Variants in L1TD1 observed in about 807,000 individuals in gnomAD.
L1TD1 encodes LINE-1 type transposase domain-containing protein 1.
L1TD1 carries 26 observed loss-of-function variants against 25.7 expected under a neutral mutation model. The ratio of observed to expected loss-of-function variants is 1.01; its 90% confidence interval spans 0.74 to 1.40. The LOEUF is 1.40. Among genes scored for constraint, L1TD1 ranks in the 40% most tolerant of loss-of-function variants. The pLI is 0.00. For synonymous variants in L1TD1, 421 were observed against 335.6 expected (o/e 1.25, Z -2.78); for missense variants, 1,130 against 975.0 (o/e 1.16, Z -2.12).
chr1:62,204,246 CTT>C (rs1670694142), intron 2 of L1TD1, among the ~76,000 whole-genome samples: 1 of 152,048 alleles, frequency 6.6e-6, no homozygotes, highest in Admixed American at 6.6e-5. Context: ...GCGCGCATCT[CTT>C]TTGGTTTCTT....
chr1:62,209,772 T>A lies in L1TD1; in HGVS notation c.1009-11T>A. On this transcript the variant is annotated splice_polypyrimidine_tract_variant and intron_variant, in intron 3 of 3. Coordinates refer to ENST00000498273, the MANE Select transcript of L1TD1 (RefSeq NM_019079.5). ...AATAACTCTTTTTTTTCTTCTTTGTTTAACTTTCAGGATAAAACCCTAATA... is the reference window on the plus strand; with the variant it reads ...AATAACTCTTTTTTTTCTTCTTTGTATAACTTTCAGGATAAAACCCTAATA... 1 of 1,472,678 alleles carries A rather than the reference T, an allele frequency of 6.8e-7. No homozygotes were observed. The highest frequency in any genetic ancestry group is 1.4e-5 in the South Asian group (1 of 72,904). The allele number at this position is 1,472,678 out of a possible 1,614,324, so 91.2% of individuals were successfully genotyped here.
chr1:62,209,926 A>G lies in L1TD1; in HGVS notation c.1152A>G (p.Leu384=), dbSNP rs559204642. The change falls in exon 4 of 4, where the codon CTA becomes CTG. Residue 384 remains leucine (L), a synonymous_variant. Coordinates refer to ENST00000498273, the MANE Select transcript of L1TD1 (RefSeq NM_019079.5). ...CTCAAGAGGAAGAGTTTTCCGAGCT[A>G]GAGGAGCTGGATGAAGAGGCCTCAG... ...LETQEEEFSE[L]EELDEEASGM... The G allele has an allele frequency of 6.2e-7, 1 of 1,613,980 alleles. No homozygotes were observed. Among genetic ancestry groups the G allele is most frequent in the Non-Finnish European group, 8.5e-7 (1 of 1,179,978 alleles).
chr1:62,197,397 T>TATATATATA (rs1670562305), intron 2 of L1TD1, among the ~76,000 whole-genome samples: 3 of 80,844 alleles, frequency 3.7e-5, no homozygotes, highest in East Asian at 8.4e-4. Context: ...AAAAAATAAA[T>TATATATATA]TATATATATA....
At chr1:62,209,708 T>C (rs1670818606) in intron 3 of L1TD1, 75 bp from the exon 4 acceptor site, 1 of 1,200,034 alleles carries the variant, frequency 8.3e-7, no homozygotes, top group East Asian at 2.5e-5. Context: ...ATTAGTGAAA[T>C]TGAAATTTTA....
chr1:62,211,419 A>C lies in L1TD1; in HGVS notation c.*47A>C. ...AATATGCTTTCCTCCCCCAGCATGC[A>C]TCCAAAAATCAACAAGTAAAACGAA... On this transcript the variant is annotated 3_prime_UTR_variant, in exon 4 of 4. Coordinates refer to ENST00000498273, the MANE Select transcript of L1TD1 (RefSeq NM_019079.5). The C allele has an allele frequency of 6.6e-7, 1 of 1,522,988 alleles. No individual in the cohort carries two copies. Among genetic ancestry groups the C allele is most frequent in the Admixed American group, 2.3e-5 (1 of 44,336 alleles). The allele number at this position is 1,522,988 out of a possible 1,614,324, so 94.3% of individuals were successfully genotyped here.
rs150081992 is a variant in L1TD1, at chr1:62,207,405, A to G, written c.777A>G (p.Gln259=). ...LSSATLDISK[Q]WSNVFNILRE... ...CAGCAACACTGGATATTAGTAAGCA[A>G]TGGAGTAATGTCTTCAACATTCTGA... Residue 259 remains glutamine (Q), a synonymous_variant, in exon 3 of 4, where the codon CAA becomes CAG. Transcript: ENST00000498273. The G allele has an allele frequency of 6.1e-5, 94 of 1,551,494 alleles. No homozygotes were observed. In the African/African-American group the frequency reaches 9.8e-4, roughly 16 times the overall value.
At chr1:62,202,539 T>C (rs1475610763) in intron 2 of L1TD1, among the ~76,000 whole-genome samples, 1 of 127,756 alleles carries the variant, frequency 7.8e-6, no homozygotes, top group African/African-American at 3.1e-5. Flanking sequence ...TTTTTTCTTT[T>C]TCTTTTCTTT....
chr1:62,195,130 G>A (rs1011711377), intron 1 of L1TD1, among the ~76,000 whole-genome samples: 1 of 151,786 alleles, frequency 6.6e-6, no homozygotes, highest in Admixed American at 6.6e-5. Flanking sequence ...AAGTAAGGCT[G>A]GTCCAGGAGC....
At chr1:62,198,510 A>T in intron 2 of L1TD1, among the ~76,000 whole-genome samples, 1 of 150,808 alleles carries the variant, frequency 6.6e-6, no homozygotes, top group Non-Finnish European at 1.5e-5. Flanking sequence ...AAAAACACAC[A>T]CACCGACCCC....
In L1TD1 at chr1:62,205,415, CTCTATATA is replaced by C. The variant is rs1481191083; in HGVS notation, c.-110-1102_-110-1095del. Among the ~76,000 whole-genome samples the C allele has an allele frequency of 2.1e-3, 72 of 33,890 alleles. 1 individual carries two copies. The highest frequency in any genetic ancestry group is 4.7e-3 in the South Asian group (4 of 860). The allele number at this position is 33,890 out of a possible 152,430, so 22.2% of individuals were successfully genotyped here. On this transcript the variant is annotated intron_variant, in intron 2 of 3. Coordinates refer to ENST00000498273, the MANE Select transcript of L1TD1 (RefSeq NM_019079.5). ...TCTCTCTCTCTCTCTCTCTCTCTCT[CTCTATATA>C]TATATATATATATATATATATTTTT...
At chr1:62,205,137 T>TC (rs1410965477) in intron 2 of L1TD1, among the ~76,000 whole-genome samples, 1 of 151,482 alleles carries the variant, frequency 6.6e-6, no homozygotes, top group Non-Finnish European at 1.5e-5. Context: ...GATCACGAGG[T>TC]CAGGAATTCG....
chr1:62,205,401 CTCTCTCTCTCTCTCTCTA>C (rs1670720075), intron 2 of L1TD1, among the ~76,000 whole-genome samples: 1 of 39,256 alleles, frequency 2.5e-5, no homozygotes, highest in South Asian at 1.0e-3. Flanking sequence ...CTCTCTCTCT[CTCTCTCTCTCTCTCTCTA>C]TATATATATA....
Position 62,207,390 on chromosome 1 carries a change from G to A in L1TD1, c.762G>A (p.Leu254=), listed in dbSNP as rs150566166. The change falls in exon 3 of 4, where the codon CTG becomes CTA. Residue 254 remains leucine, a synonymous_variant. Transcript: ENST00000498273. The part of the protein sequence containing the change: ...TLVADLSSAT[L]DISKQWSNVF... Reference sequence around the variant, plus strand: ...TAGCCGACCTTTCATCAGCAACACTGGATATTAGTAAGCAATGGAGTAATG... The same window carrying A: ...TAGCCGACCTTTCATCAGCAACACTAGATATTAGTAAGCAATGGAGTAATG... 8 of 1,551,588 alleles carry A rather than the reference G, an allele frequency of 5.2e-6. No homozygotes were observed. In the African/African-American group the frequency reaches 9.6e-5, roughly 19 times the overall value.
chr1:62,205,439 A>T (rs952913349), intron 2 of L1TD1, among the ~76,000 whole-genome samples: 7,546 of 42,282 alleles, frequency 0.18, 1,255 homozygotes, highest in African/African-American at 0.41. Context: ...ATATATATAT[A>T]TATATTTTTT....
intron 2 of L1TD1, among the ~76,000 whole-genome samples, chr1:62,203,212 T>TG (rs1053118043): frequency 2.0e-4 from 31 of 151,810 alleles, no homozygotes; most frequent in Admixed American, 6.6e-4. Flanking sequence ...TCAGGGTAAA[T>TG]GGGGGTATCC....
Position 62,210,655 on chromosome 1 carries a change from GATAAA to G in L1TD1, c.1883_1887del (p.Ile628ArgfsTer17). The G allele has an allele frequency of 6.4e-7, 1 of 1,564,300 alleles. No individual in the cohort carries two copies. The highest frequency in any genetic ancestry group is 2.4e-5 in the East Asian group (1 of 41,570). ...GTAGTGTGATTAATAGCATCAGAGA[GATAAA>G]AGAGGAGATTGGAAATTTGAAAAGT... On this transcript the variant is annotated frameshift_variant, in exon 4 of 4. Transcript: ENST00000498273. LOFTEE classifies it low-confidence loss of function (END_TRUNC).
rs41309167 is a variant in L1TD1, at chr1:62,210,388, A to G, written c.1614A>G (p.Thr538=). Residue 538 remains threonine, a synonymous_variant, in exon 4 of 4, where the codon ACA becomes ACG. Transcript: ENST00000498273. The part of the protein sequence containing the change: ...VVHKTQEEEE[T]AVPTSQGTGT... ...ACAAAACCCAGGAGGAAGAGGAAAC[A>G]GCTGTGCCCACAAGTCAAGGAACTG... 5.0e-3 allele frequency: 8,127 copies of G among 1,614,024 alleles called. 30 individuals are homozygous for G. Among genetic ancestry groups the G allele is most frequent in the Non-Finnish European group, 6.4e-3 (7,593 of 1,180,006 alleles).
Position 62,195,528 on chromosome 1 carries a change from C to T in L1TD1, c.-205+607C>T, listed in dbSNP as rs1464395493. Among the ~76,000 whole-genome samples the T allele has an allele frequency of 2.7e-5, 4 of 150,846 alleles. No individual in the cohort carries two copies. In the East Asian group the frequency reaches 7.9e-4, roughly 30 times the overall value. Reference sequence around the variant, plus strand: ...CAGCACTTTGGGAAGCCGAGGCGGGCGGATCACCTGAGGTCGGAGTTCGAG... The same window carrying T: ...CAGCACTTTGGGAAGCCGAGGCGGGTGGATCACCTGAGGTCGGAGTTCGAG... On this transcript the variant is annotated intron_variant, in intron 1 of 3. Transcript: ENST00000498273.
intron 3 of L1TD1, chr1:62,208,007 C>A (rs376453012): frequency 2.5e-5 from 4 of 157,192 alleles, no homozygotes; most frequent in Admixed American, 6.3e-5. Context: ...TGGGCCCAGC[C>A]GGTTAAATCA....
Sources: gnomAD v4.1 joint callset for allele counts (sites outside exome capture counted in the v4.1 genomes callset) on GRCh38, gnomAD v4.1.1 for gene constraint, MANE v1.5 for transcripts, NCBI Gene and HGNC (gene_info 2026-07-23, HGNC 2026-07-21) for gene names.